The following UVSSA variants were observed in gnomAD, a reference collection of about 807,000 sequenced individuals.
The protein encoded by UVSSA is UV stimulated scaffold protein A, also known as UV-stimulated scaffold protein A.
A neutral mutation model predicts 73.9 loss-of-function variants in UVSSA; 72 were observed. The ratio of observed to expected loss-of-function variants is 0.97; its 90% CI spans 0.81 to 1.19. The LOEUF (loss-of-function observed/expected upper bound fraction) is 1.19. Ranked by LOEUF, UVSSA falls within the 50% of genes most tolerant of loss-of-function variation. The pLI is 0.00. For synonymous variants in UVSSA, 454 were observed against 391.3 expected (o/e 1.16, Z -1.89); for missense variants, 1,150 against 965.0 (o/e 1.19, Z -2.54).
At chr4:1,356,411 C>T (rs1715769213) in intron 7 of UVSSA, among the ~76,000 whole-genome samples, 2 of 152,312 alleles carry the variant, frequency 1.3e-5, no homozygotes, top group Non-Finnish European at 1.5e-5. Flanking sequence ...TTGCTTTTCT[C>T]CTTTAAGTCC....
chr4:1,383,386 G>T lies in UVSSA; in HGVS notation c.1862-380G>T, dbSNP rs550427206. Among the ~76,000 whole-genome samples, 70 of 152,292 alleles carry T rather than the reference G, an allele frequency of 4.6e-4. 1 individual carries two copies. Among genetic ancestry groups the T allele is most frequent in the African/African-American group, 1.4e-3 (57 of 41,568 alleles). Reference sequence around the variant, plus strand: ...CCTGCAGGCAGGAAAGGAGCTTGCGGATGGTGCCACCCCCCAACCGCTGGC... The same window carrying T: ...CCTGCAGGCAGGAAAGGAGCTTGCGTATGGTGCCACCCCCCAACCGCTGGC... On this transcript the variant is annotated intron_variant, in intron 12 of 13. Coordinates refer to ENST00000389851, the MANE Select transcript of UVSSA (RefSeq NM_020894.4).
At chr4:1,375,608 C>T (rs1718670935) in intron 9 of UVSSA, 100 bp downstream of exon 9, 26 of 1,504,988 alleles carry the variant, frequency 1.7e-5, no homozygotes, top group Non-Finnish European at 2.1e-5. Flanking sequence ...AGTGCCTTTT[C>T]TGGATATCTT....
downstream of UVSSA, chr4:1,392,609 C>A (rs752133614): frequency 6.6e-6 from 1 of 152,232 alleles, no homozygotes; most frequent in Non-Finnish European, 1.5e-5. Context: ...TCCACTGCCT[C>A]TGGCATCTGT....
chr4:1,368,385 G>T (rs898606086), intron 8 of UVSSA, among the ~76,000 whole-genome samples: 1 of 152,226 alleles, frequency 6.6e-6, no homozygotes, highest in Non-Finnish European at 1.5e-5. Context: ...CTGAAGCAAG[G>T]CCAGAAGCGA....
At chr4:1,373,526 A>G (rs1036857969) in intron 8 of UVSSA, among the ~76,000 whole-genome samples, 1 of 152,056 alleles carries the variant, frequency 6.6e-6, no homozygotes, top group African/African-American at 2.4e-5. Flanking sequence ...CAATCCAATC[A>G]AGTTGATCCT....
rs1314985403 is a variant in UVSSA at position 1,386,156 on chromosome 4, G to A, written c.*195G>A. 1 of 610,780 alleles carries A rather than the reference G, an allele frequency of 1.6e-6. No individual in the cohort carries two copies. Among genetic ancestry groups the A allele is most frequent in the African/African-American group, 1.8e-5 (1 of 54,212 alleles). 37.8% of individuals were successfully genotyped at this position (610,780 alleles called of 1,614,324 possible). On this transcript the variant is annotated 3_prime_UTR_variant, in exon 14 of 14. Coordinates refer to ENST00000389851, the MANE Select transcript of UVSSA (RefSeq NM_020894.4). ...AGGGTTCGGCATCGTCTGGTGATGGGTCTGGCCTCGCAGAAGAGGCCCTCG... is the reference window on the plus strand; with the variant it reads ...AGGGTTCGGCATCGTCTGGTGATGGATCTGGCCTCGCAGAAGAGGCCCTCG...
chr4:1,379,132 C>T lies in UVSSA; in HGVS notation c.1569-915C>T, dbSNP rs143682436. Among the ~76,000 whole-genome samples the T allele has an allele frequency of 3.1e-3, 476 of 152,274 alleles. 3 individuals carry two copies. Among genetic ancestry groups the T allele is most frequent in the African/African-American group, 0.011 (456 of 41,550 alleles). On this transcript the variant is annotated intron_variant, in intron 10 of 13. Coordinates refer to ENST00000389851, the MANE Select transcript of UVSSA (RefSeq NM_020894.4). ...TCCTCAGGCACAGGGTGTGGGAGCC[C>T]GGGAGCTTCGGGCAGAGCCGACCGT...
rs1720153968 is a variant in UVSSA at position 1,386,774 on chromosome 4, G to C, written c.*813G>C. Reference sequence around the variant, plus strand: ...TTTGCTCTTACCCAGGCTGAGTGCAGTGGCAGAATCATAGCTCAGTGCAGC... The same window carrying C: ...TTTGCTCTTACCCAGGCTGAGTGCACTGGCAGAATCATAGCTCAGTGCAGC... On this transcript the variant is annotated 3_prime_UTR_variant, in exon 14 of 14. Transcript: ENST00000389851. 1 of 151,776 alleles carries C rather than the reference G, an allele frequency of 6.6e-6. No individual in the cohort carries two copies. The highest frequency in any genetic ancestry group is 1.5e-5 in the Non-Finnish European group (1 of 67,992). 9.4% of individuals were successfully genotyped at this position (151,776 alleles called of 1,614,324 possible).
downstream of UVSSA, chr4:1,388,922 G>C (rs1356016296): frequency 6.6e-6 from 1 of 152,118 alleles, no homozygotes; most frequent in Non-Finnish European, 1.5e-5. Flanking sequence ...TTTAGCTTTA[G>C]TCACGTCACT....
At chr4:1,345,181 G>T (rs1240886065), upstream of UVSSA, among the ~76,000 whole-genome samples, 1 of 152,166 alleles carries the variant, frequency 6.6e-6, no homozygotes. Flanking sequence ...TGCAGGGGTG[G>T]CCAGGAATTG....
intron 7 of UVSSA, among the ~76,000 whole-genome samples, chr4:1,356,396 C>T (rs1038082947): frequency 3.3e-5 from 5 of 152,178 alleles, no homozygotes; most frequent in East Asian, 1.9e-4. Flanking sequence ...CAGCAGAGGG[C>T]GAGCTTGCTT....
chr4:1,394,625 T>C (rs78309237), exon 14 of UVSSA: 476,574 of 1,314,430 alleles, frequency 0.36, 104,138 homozygotes, highest in Non-Finnish European at 0.4. Context: ...CTCACACATG[T>C]CGATGCGGAG....
At chr4:1,375,731 C>T (rs945749330) in intron 9 of UVSSA, among the ~76,000 whole-genome samples, 42 of 152,250 alleles carry the variant, frequency 2.8e-4, no homozygotes, top group Non-Finnish European at 1.3e-4. Context: ...CAACAAATAC[C>T]CTTCCAGACA....
rs549551394 is a variant in UVSSA at position 1,386,137 on chromosome 4, C to T, written c.*176C>T. 7.1e-6 allele frequency: 5 copies of T among 699,432 alleles called. No individual in the cohort carries two copies. Among genetic ancestry groups the T allele is most frequent in the East Asian group, 2.9e-5 (1 of 34,888 alleles). The allele number at this position is 699,432 out of a possible 1,614,324, so 43.3% of individuals were successfully genotyped here. On this transcript the variant is annotated 3_prime_UTR_variant, in exon 14 of 14. Coordinates refer to ENST00000389851, the MANE Select transcript of UVSSA (RefSeq NM_020894.4). ...ACGGCCGCTCTGCTGCTACAGGGTT[C>T]GGCATCGTCTGGTGATGGGTCTGGC...
upstream of UVSSA, among the ~76,000 whole-genome samples, chr4:1,346,427 G>A (rs1713688019): frequency 6.6e-6 from 1 of 152,218 alleles, no homozygotes; most frequent in African/African-American, 2.4e-5. Context: ...GCGGTCTCCA[G>A]GTCCGTCCGT....
At chr4:1,352,245 C>T (rs1192764604) in intron 4 of UVSSA, among the ~76,000 whole-genome samples, 14 of 152,224 alleles carry the variant, frequency 9.2e-5, no homozygotes, top group Non-Finnish European at 1.8e-4. Flanking sequence ...AGGGGCACCA[C>T]GAGAGTGTGA....
In UVSSA at chr4:1,385,949, C is replaced by A; in HGVS notation, c.2118C>A (p.Tyr706Ter). Reference protein sequence around the residue: ...KHEKFSNQFNYALN With the variant: ...KHEKFSNQFN Reference sequence around the variant, plus strand: ...AGAAGTTTTCAAACCAGTTTAACTACGCACTGAACTAGAGAGCGGGGCCCA... The same window carrying A: ...AGAAGTTTTCAAACCAGTTTAACTAAGCACTGAACTAGAGAGCGGGGCCCA... Residue 706 changes from tyrosine (Y) to a stop codon, truncating the protein, a stop_gained, in exon 14 of 14, where the codon TAC (tyrosine) becomes TAA (stop). Coordinates refer to ENST00000389851, the MANE Select transcript of UVSSA (RefSeq NM_020894.4). LOFTEE classifies it high-confidence loss of function. 6.2e-7 allele frequency: 1 copy of A among 1,614,044 alleles called. No homozygotes were observed.
rs146895743 is a variant in UVSSA at position 1,395,840 on chromosome 4, C to T, written c.*9879C>T. ...ATCCCTTTTATATTTCTCTGCACCT[C>T]GAGATAACGTAGGAATATTAGGGAT... On this transcript the variant is annotated 3_prime_UTR_variant, in exon 14 of 14. Transcript: ENST00000511216. 9.1e-5 allele frequency: 146 copies of T among 1,613,228 alleles called. No homozygotes were observed. The highest frequency in any genetic ancestry group is 1.7e-4 in the Middle Eastern group (1 of 6,060).
rs918173585 is a variant in UVSSA at position 1,386,557 on chromosome 4, T to C, written c.*596T>C. ...AACAAAGGAGGTGAAAACCTGTCCA[T>C]GCGGAAGCTTGTGCACCCATGTTCA... On this transcript the variant is annotated 3_prime_UTR_variant, in exon 14 of 14. Transcript: ENST00000389851. 1 of 153,128 alleles carries C rather than the reference T, an allele frequency of 6.5e-6. No homozygotes were observed. The highest frequency in any genetic ancestry group is 1.5e-5 in the Non-Finnish European group (1 of 68,666). 9.5% of individuals were successfully genotyped at this position (153,128 alleles called of 1,614,324 possible). A position where few individuals can be genotyped will look rare whatever the true frequency, so the allele number is the denominator to read the frequency against.
Sources: allele counts gnomAD v4.1 joint callset (sites outside exome capture counted in the v4.1 genomes callset), GRCh38; gene constraint gnomAD v4.1.1; transcripts MANE v1.5; gene names NCBI Gene and HGNC (gene_info 2026-07-23, HGNC 2026-07-21).